Variants in ZNF69 observed in about 807,000 individuals in gnomAD.
ZNF69 encodes the protein ZNF3.
Under a neutral mutation model 50.9 loss-of-function variants are expected in ZNF69, and 47 were observed. The ratio of observed to expected loss-of-function variants is 0.92; its 90% CI spans 0.73 to 1.18. The LOEUF (loss-of-function observed/expected upper bound fraction) is 1.18. ZNF69 is among the 50% of genes most tolerant of loss of function. The probability of loss-of-function intolerance (pLI) is 0.00; values close to 1 mark genes in which losing one functional copy is unlikely to be tolerated. For synonymous variants in ZNF69, 216 were observed against 223.1 expected, an observed-to-expected ratio of 0.97 and a Z score of 0.29; for missense variants, 717 against 675.1, an observed-to-expected ratio of 1.06 and a Z score of -0.69.
the ZNF69 span, chr19:11,979,244 A>G: frequency 6.2e-7 from 1 of 1,612,890 alleles, no homozygotes. Flanking sequence ...TTTCAGTATC[A>G]TGAAAGGACT....
At chr19:11,925,241 G>A in the ZNF69 span, 7 of 1,613,116 alleles carry the variant, frequency 4.3e-6, no homozygotes, top group African/African-American at 5.3e-5. Context: ...GAGCTGTAGA[G>A]AGGACCCCGG....
chr19:11,952,499 C>T, the ZNF69 span, among the ~76,000 whole-genome samples: 5 of 152,110 alleles, frequency 3.3e-5, no homozygotes, highest in Admixed American at 6.5e-5. Context: ...TTAACAGCAA[C>T]GTGGAAAAGT....
At chr19:11,947,683 T>A in the ZNF69 span, 1 of 1,105,474 alleles carries the variant, frequency 9.0e-7, no homozygotes, top group Non-Finnish European at 1.3e-6. Flanking sequence ...CAAATTCATT[T>A]CTTCTTAGAA....
At chr19:11,914,399 T>C (rs2145257257), downstream of ZNF69, 1 of 152,318 alleles carries the variant, frequency 6.6e-6, no homozygotes, top group East Asian at 1.9e-4. Flanking sequence ...ACTTATTCTC[T>C]AAAGACTGAA....
At chr19:11,895,949 G>A (rs971459259) in intron 1 of ZNF69, among the ~76,000 whole-genome samples, 10 of 152,144 alleles carry the variant, frequency 6.6e-5, no homozygotes, top group African/African-American at 2.4e-4. Flanking sequence ...ACTGGGCATG[G>A]TGGCTGACGC....
the ZNF69 span, among the ~76,000 whole-genome samples, chr19:11,942,452 C>T: frequency 3.3e-5 from 5 of 152,094 alleles, no homozygotes; most frequent in African/African-American, 1.2e-4. Context: ...CGTTTTTCTC[C>T]CTGGATTTGT....
At chr19:11,922,220 C>G in the ZNF69 span, among the ~76,000 whole-genome samples, 1 of 152,046 alleles carries the variant, frequency 6.6e-6, no homozygotes, top group African/African-American at 2.4e-5. Context: ...TTAGCCAGTT[C>G]TTGTTTTTCT....
At chr19:11,917,468 C>T (rs574938771), downstream of ZNF69, among the ~76,000 whole-genome samples, 4 of 152,222 alleles carry the variant, frequency 2.6e-5, no homozygotes, top group South Asian at 2.1e-4. Context: ...TGTGTCTCCA[C>T]GGTCCAAGTG....
the ZNF69 span, chr19:11,978,138 A>G: frequency 6.2e-7 from 1 of 1,613,236 alleles, no homozygotes; most frequent in Non-Finnish European, 8.5e-7. Flanking sequence ...AGGGAATGTC[A>G]ATGAAATTAA....
the ZNF69 span, among the ~76,000 whole-genome samples, chr19:11,955,373 G>A: frequency 6.7e-6 from 1 of 150,032 alleles, no homozygotes; most frequent in African/African-American, 2.5e-5. Flanking sequence ...CCTTTTTCGT[G>A]GATGATTTCT....
At chr19:11,963,694 G>T in the ZNF69 span, among the ~76,000 whole-genome samples, 1 of 152,102 alleles carries the variant, frequency 6.6e-6, no homozygotes, top group Admixed American at 6.5e-5. Flanking sequence ...CCGTCCCATG[G>T]AAACCGCCCG....
At position 11,903,965 on chromosome 19, in the gene ZNF69, G is replaced by A. The variant is rs753270999; in HGVS notation, c.251G>A (p.Arg84Lys). Reference protein sequence around the residue: ...YEYQNPRRNFRSLIEKKVNEI... With the variant: ...YEYQNPRRNFKSLIEKKVNEI... Reference sequence around the variant, plus strand: ...TACCAAAACCCCAGGAGAAACTTCAGGTAATTTGTACTTACAAGACAAAGC... The same window carrying A: ...TACCAAAACCCCAGGAGAAACTTCAAGTAATTTGTACTTACAAGACAAAGC... The change falls in exon 3 of 4, where the codon AGG (arginine) becomes AAG (lysine). Residue 84 changes from arginine to lysine, a missense_variant and splice_region_variant. Physicochemically the swap from Arg to Lys is conservative, Grantham distance 26. Coordinates refer to ENST00000429654, the MANE Select transcript of ZNF69 (RefSeq NM_001364730.1). 24 of 1,613,458 alleles carry A rather than the reference G, an allele frequency of 1.5e-5. No homozygotes were observed. The highest frequency in any genetic ancestry group is 1.9e-5 in the Non-Finnish European group (23 of 1,179,694).
chr19:11,957,329 C>G, the ZNF69 span, among the ~76,000 whole-genome samples: 1 of 151,598 alleles, frequency 6.6e-6, no homozygotes, highest in Admixed American at 6.6e-5. Context: ...CTCCTGACCT[C>G]GTGATCTGCC....
At chr19:11,947,097 C>G in the ZNF69 span, 2 of 1,543,342 alleles carry the variant, frequency 1.3e-6, no homozygotes, top group Non-Finnish European at 1.7e-6. Flanking sequence ...TCCACAGCAT[C>G]CTGAGAACTT....
intron 1 of ZNF69, among the ~76,000 whole-genome samples, chr19:11,900,992 G>C (rs1036201350): frequency 6.6e-6 from 1 of 152,120 alleles, no homozygotes; most frequent in Admixed American, 6.5e-5. Context: ...AAGTAGTTTT[G>C]TAAAAGGTGC....
intron 1 of ZNF69, among the ~76,000 whole-genome samples, chr19:11,902,172 G>A (rs1403975192): frequency 6.6e-6 from 1 of 151,826 alleles, no homozygotes; most frequent in African/African-American, 2.4e-5. Flanking sequence ...AGTAGAGACG[G>A]CATTTCTCCA....
intron 1 of ZNF69, among the ~76,000 whole-genome samples, chr19:11,899,794 T>G (rs1004416270): frequency 1.3e-5 from 2 of 152,170 alleles, no homozygotes; most frequent in African/African-American, 2.4e-5. Flanking sequence ...ACCATGCTTA[T>G]TTTCTTCAGA....
At chr19:11,898,583 G>T (rs1025876641) in intron 1 of ZNF69, among the ~76,000 whole-genome samples, 1 of 151,912 alleles carries the variant, frequency 6.6e-6, no homozygotes, top group Non-Finnish European at 1.5e-5. Context: ...TAGAGAGAGG[G>T]TTTCACCATA....
chr19:11,943,184 G>A, the ZNF69 span, among the ~76,000 whole-genome samples: 3 of 152,140 alleles, frequency 2.0e-5, no homozygotes, highest in Middle Eastern at 3.2e-3. Flanking sequence ...ACAGATTTAG[G>A]ATTAAACCCA....
Sources: allele counts gnomAD v4.1 joint callset (sites outside exome capture counted in the v4.1 genomes callset), GRCh38; gene constraint gnomAD v4.1.1; transcripts MANE v1.5; gene names NCBI Gene and HGNC (gene_info 2026-07-23, HGNC 2026-07-21).